The following MAGI2 variants were observed in gnomAD, a reference collection of about 807,000 sequenced individuals.
MAGI2 encodes membrane associated guanylate kinase, WW and PDZ domain containing 2.
Under a neutral mutation model 133.3 loss-of-function variants are expected in MAGI2, and 35 were observed. That is an observed-to-expected ratio of 0.26 (90% CI 0.20 to 0.35). The LOEUF is 0.35. Ranked by LOEUF, MAGI2 falls within the 10% of genes least tolerant of loss-of-function variation. MAGI2 has a pLI of 1.00. For missense variants in MAGI2, 1,636 were observed against 1,863.4 expected, an observed-to-expected ratio of 0.88 and a Z score of 2.25; for synonymous variants, 729 against 710.6, an observed-to-expected ratio of 1.03 and a Z score of -0.41.
chr7:79,071,584 A>G (rs1814972316), intron 1 of MAGI2, among the ~76,000 whole-genome samples: 1 of 151,338 alleles, frequency 6.6e-6, no homozygotes, highest in African/African-American at 2.4e-5. Flanking sequence ...GTCCCAGGGA[A>G]ATGGGGGTTT....
rs142679826 is a variant in MAGI2, at chr7:79,143,190, A to G, written c.302-135984T>C. 5.0e-4 allele frequency among the ~76,000 whole-genome samples: 76 copies of G among 152,330 alleles called. No homozygotes were observed. In the East Asian group the frequency reaches 0.014, roughly 27 times the overall value. ...CTCTCTAGATAAAAACATTCAACACAATTTTACATAGTGCTGCCAATAATT... is the reference window on the plus strand; with the variant it reads ...CTCTCTAGATAAAAACATTCAACACGATTTTACATAGTGCTGCCAATAATT... On this transcript the variant is annotated intron_variant, in intron 1 of 21. Transcript: ENST00000354212.
intron 6 of MAGI2, among the ~76,000 whole-genome samples, chr7:78,431,066 G>C (rs959662164): frequency 4.7e-5 from 7 of 148,904 alleles, no homozygotes; most frequent in Non-Finnish European, 1.0e-4. Flanking sequence ...TGGAATCAGT[G>C]AGGTAGGCTG....
At chr7:79,119,143 ATCAGCGAAG>A (rs1364844693) in intron 1 of MAGI2, among the ~76,000 whole-genome samples, 1 of 152,178 alleles carries the variant, frequency 6.6e-6, no homozygotes, top group Non-Finnish European at 1.5e-5. Flanking sequence ...TCAGGGAGAA[ATCAGCGAAG>A]TAATTTCTCT....
At chr7:79,082,804 A>G (rs1816158720) in intron 1 of MAGI2, among the ~76,000 whole-genome samples, 1 of 151,764 alleles carries the variant, frequency 6.6e-6, no homozygotes, top group Non-Finnish European at 1.5e-5. Context: ...GTTGGGGGGT[A>G]TTGCCTCTTA....
chr7:78,288,389 T>A (rs1192674017), intron 9 of MAGI2, among the ~76,000 whole-genome samples: 2 of 152,212 alleles, frequency 1.3e-5, no homozygotes, highest in Non-Finnish European at 2.9e-5. Context: ...ATTAAAGTAA[T>A]CATGTACTGT....
chr7:79,432,768 A>G (rs1452157747), intron 1 of MAGI2, among the ~76,000 whole-genome samples: 1 of 152,230 alleles, frequency 6.6e-6, no homozygotes, highest in African/African-American at 2.4e-5. Flanking sequence ...TGCAATAGGC[A>G]GAGTGAGGTG....
intron 16 of MAGI2, among the ~76,000 whole-genome samples, chr7:78,156,649 A>C (rs1256531199): frequency 1.3e-5 from 2 of 152,132 alleles, no homozygotes; most frequent in East Asian, 3.9e-4. Flanking sequence ...AACTTCCTCA[A>C]GGTCACATGG....
At chr7:78,674,489 T>C (rs757177158) in intron 2 of MAGI2, among the ~76,000 whole-genome samples, 32 of 150,864 alleles carry the variant, frequency 2.1e-4, no homozygotes, top group Non-Finnish European at 4.3e-4. Flanking sequence ...AAAAAAAAAA[T>C]GGTAAATGTA....
At chr7:79,202,635 G>A (rs1227799284) in intron 1 of MAGI2, among the ~76,000 whole-genome samples, 1 of 151,918 alleles carries the variant, frequency 6.6e-6, no homozygotes, top group East Asian at 1.9e-4. Flanking sequence ...CAAGATACAG[G>A]TGAACAAGGA....
At chr7:78,403,486 A>G (rs1226342826) in intron 6 of MAGI2, among the ~76,000 whole-genome samples, 2 of 152,142 alleles carry the variant, frequency 1.3e-5, no homozygotes, top group Non-Finnish European at 2.9e-5. Context: ...TTATAGCAGC[A>G]TGATTTATAA....
intron 20 of MAGI2, among the ~76,000 whole-genome samples, chr7:78,079,629 G>A (rs547797673): frequency 2.6e-5 from 4 of 152,256 alleles, no homozygotes; most frequent in African/African-American, 9.6e-5. Context: ...GTGGTTGGTT[G>A]GTATTCACAT....
At chr7:79,427,606 G>A (rs1003229693) in intron 1 of MAGI2, among the ~76,000 whole-genome samples, 1 of 152,140 alleles carries the variant, frequency 6.6e-6, no homozygotes, top group African/African-American at 2.4e-5. Context: ...GAGAAGGATA[G>A]AGATAAAATC....
At chr7:79,420,106 T>G (rs1846841752) in intron 1 of MAGI2, among the ~76,000 whole-genome samples, 1 of 152,080 alleles carries the variant, frequency 6.6e-6, no homozygotes, top group Admixed American at 6.6e-5. Flanking sequence ...CCTGGATCTT[T>G]CTCTGAGTAG....
At chr7:78,032,952 G>A (rs1391592280) in intron 21 of MAGI2, among the ~76,000 whole-genome samples, 2 of 152,060 alleles carry the variant, frequency 1.3e-5, no homozygotes, top group Non-Finnish European at 2.9e-5. Context: ...GAGAGAGTCT[G>A]GATTTTATTC....
chr7:78,125,819 C>A lies in MAGI2; in HGVS notation c.3442G>T (p.Val1148Leu). ...RQPQDFDYFTVDMEKGAKGFG... is the reference protein window; with the variant it reads ...RQPQDFDYFTLDMEKGAKGFG... ...CCTTTGGCTCCTTTCTCCATGTCCACAGTGAAATAATCAAAATCCTTTGGG... is the reference window on the plus strand; with the variant it reads ...CCTTTGGCTCCTTTCTCCATGTCCAAAGTGAAATAATCAAAATCCTTTGGG... The change falls in exon 20 of 22, where the codon GTG becomes TTG. Residue 1148 changes from valine (V) to leucine (L), a missense_variant. Physicochemically the swap from Val to Leu is conservative, Grantham distance 32. This residue lies in a region of MAGI2 where 920 missense variants were observed against 1,093.5 expected (regional missense o/e 0.84). Coordinates refer to ENST00000354212, the MANE Select transcript of MAGI2 (RefSeq NM_012301.4). The A allele has an allele frequency of 3.1e-6, 5 of 1,614,120 alleles. No individual in the cohort carries two copies. The highest frequency in any genetic ancestry group is 4.2e-6 in the Non-Finnish European group (5 of 1,180,008).
rs549919091 is a variant in MAGI2, at chr7:78,331,871, T to A, written c.1408+11907A>T. On this transcript the variant is annotated intron_variant, in intron 9 of 21. Coordinates refer to ENST00000354212, the MANE Select transcript of MAGI2 (RefSeq NM_012301.4). The stretch of plus-strand genomic sequence containing the variant: ...GAGCCTTAGTGCAAATTAATATAAA[T>A]ATTTTGTGCAGAATAACTTAAAAAT... Among the ~76,000 whole-genome samples, 23 of 152,326 alleles carry A rather than the reference T, an allele frequency of 1.5e-4. 1 individual carries two copies. Among genetic ancestry groups the A allele is most frequent in the Admixed American group, 1.2e-3 (18 of 15,300 alleles).
At chr7:78,110,157 A>T (rs1485162638) in intron 20 of MAGI2, among the ~76,000 whole-genome samples, 1 of 152,072 alleles carries the variant, frequency 6.6e-6, no homozygotes, top group Non-Finnish European at 1.5e-5. Flanking sequence ...TTTGAAAACA[A>T]CCTCTTTCCA....
At chr7:79,435,046 G>T (rs971203044) in intron 1 of MAGI2, among the ~76,000 whole-genome samples, 2 of 152,120 alleles carry the variant, frequency 1.3e-5, no homozygotes, top group Non-Finnish European at 2.9e-5. Context: ...CTGGCCTTTG[G>T]ACTGGAACAT....
chr7:78,527,108 T>C (rs1028628104), intron 3 of MAGI2, among the ~76,000 whole-genome samples: 3 of 151,954 alleles, frequency 2.0e-5, no homozygotes, highest in African/African-American at 7.2e-5. Context: ...ATAATTTATT[T>C]TGTAATAAAA....
Sources: allele counts gnomAD v4.1 joint callset (sites outside exome capture counted in the v4.1 genomes callset), GRCh38; gene constraint gnomAD v4.1.1; regional missense constraint gnomAD v4.1.1; transcripts MANE v1.5; gene names NCBI Gene and HGNC (gene_info 2026-07-23, HGNC 2026-07-21).